STIM2: variants seen among roughly 807,000 people sequenced by gnomAD.
STIM2 encodes stromal interaction molecule 2.
A neutral mutation model predicts 85.8 loss-of-function variants in STIM2; 31 were observed. The ratio of observed to expected loss-of-function variants is 0.36; its 90% confidence interval spans 0.27 to 0.49. The LOEUF (loss-of-function observed/expected upper bound fraction) is 0.49. Ranked by LOEUF, STIM2 falls within the 20% of genes least tolerant of loss-of-function variation. STIM2 has a pLI of 0.98. For synonymous variants in STIM2, 356 were observed against 331.1 expected, an observed-to-expected ratio of 1.08 and a Z score of -0.82; for missense variants, 841 against 927.6, an observed-to-expected ratio of 0.91 and a Z score of 1.21.
chr4:26,910,875 G>T (rs943069268), intron 1 of STIM2, among the ~76,000 whole-genome samples: 131 of 152,140 alleles, frequency 8.6e-4, no homozygotes, highest in African/African-American at 2.9e-3. Context: ...TCAGAATATG[G>T]TAACTTTTTA....
chr4:27,015,453 T>G (rs534077495), intron 10 of STIM2, among the ~76,000 whole-genome samples: 6 of 152,138 alleles, frequency 3.9e-5, no homozygotes, highest in Non-Finnish European at 8.8e-5. Context: ...CTTTTTTTTC[T>G]TTCTTAAAAA....
chr4:26,892,681 TG>T (rs1483613566), intron 1 of STIM2, among the ~76,000 whole-genome samples: 1 of 152,186 alleles, frequency 6.6e-6, no homozygotes, highest in African/African-American at 2.4e-5. Context: ...ATGAATATAA[TG>T]GGTTGTTGTG....
intron 10 of STIM2, 145 bp from the exon 11 acceptor site, chr4:27,017,566 G>A (rs1343911547): frequency 9.8e-7 from 1 of 1,018,278 alleles, no homozygotes; most frequent in Non-Finnish European, 1.5e-6. Context: ...AGTAGAGAAT[G>A]GTAATAACTG....
intron 11 of STIM2, chr4:27,019,405 T>G: frequency 5.4e-6 from 7 of 1,289,446 alleles, no homozygotes; most frequent in Non-Finnish European, 7.1e-6. Flanking sequence ...TGCAGTATGA[T>G]CATAGTCACC....
chr4:26,988,952 G>A (rs1052392530), intron 3 of STIM2, among the ~76,000 whole-genome samples: 1 of 152,046 alleles, frequency 6.6e-6, no homozygotes, highest in African/African-American at 2.4e-5. Context: ...CTTTGGAGTG[G>A]GGGACGGAGT....
intron 7 of STIM2, among the ~76,000 whole-genome samples, chr4:27,006,462 A>T (rs1317661165): frequency 2.0e-5 from 3 of 152,212 alleles, no homozygotes; most frequent in Non-Finnish European, 4.4e-5. Flanking sequence ...GGTGCTCGAC[A>T]CGCAGGATGC....
chr4:27,004,911 T>G (rs1728279949), intron 7 of STIM2, among the ~76,000 whole-genome samples: 1 of 152,248 alleles, frequency 6.6e-6, no homozygotes, highest in Non-Finnish European at 1.5e-5. Context: ...TCATAAATTT[T>G]AATCCTCACA....
intron 7 of STIM2, among the ~76,000 whole-genome samples, chr4:27,005,715 T>G (rs903254185): frequency 2.6e-5 from 4 of 152,204 alleles, no homozygotes; most frequent in Non-Finnish European, 5.9e-5. Context: ...GGTCAGACTT[T>G]CCACAGGTTT....
In STIM2 at chr4:26,943,956, C is replaced by CT. The variant is rs201609771; in HGVS notation, c.283-13648dup. 1.5e-4 allele frequency among the ~76,000 whole-genome samples: 23 copies of CT among 151,796 alleles called. 1 individual carries two copies. The East Asian group carries it at 3.9e-3, about 26-fold the overall frequency. On this transcript the variant is annotated intron_variant, in intron 2 of 11. Coordinates refer to ENST00000467087, the MANE Select transcript of STIM2 (RefSeq NM_020860.4). ...AAAACAGTTTAATTATCTTGGAGTTCTTTTTTTTGTTTATAGACATATCCC... is the reference window on the plus strand; with the variant it reads ...AAAACAGTTTAATTATCTTGGAGTTCTTTTTTTTTGTTTATAGACATATCCC...
At chr4:26,878,868 G>A (rs971777920) in intron 1 of STIM2, among the ~76,000 whole-genome samples, 3 of 151,998 alleles carry the variant, frequency 2.0e-5, no homozygotes, top group South Asian at 2.1e-4. Flanking sequence ...TAAAACTATC[G>A]GCTCTCATGA....
At chr4:26,882,902 A>T (rs770896439) in intron 1 of STIM2, among the ~76,000 whole-genome samples, 64 of 148,990 alleles carry the variant, frequency 4.3e-4, no homozygotes, top group Non-Finnish European at 8.1e-4. Flanking sequence ...CAGTGGCGCG[A>T]TCTCAGCTCA....
At chr4:26,862,496 G>A (rs1722255937) in intron 1 of STIM2, among the ~76,000 whole-genome samples, 1 of 152,140 alleles carries the variant, frequency 6.6e-6, no homozygotes, top group African/African-American at 2.4e-5. Context: ...AAGTGCTCAG[G>A]AACTGTATTC....
chr4:26,979,776 A>G (rs925078046), intron 3 of STIM2, among the ~76,000 whole-genome samples: 14 of 152,312 alleles, frequency 9.2e-5, no homozygotes, highest in African/African-American at 2.9e-4. Flanking sequence ...ATATAGGAAA[A>G]GCAGTACTTT....
At chr4:26,907,086 G>T (rs899369613) in intron 1 of STIM2, among the ~76,000 whole-genome samples, 13 of 152,096 alleles carry the variant, frequency 8.5e-5, no homozygotes, top group Non-Finnish European at 1.6e-4. Context: ...GTAAGTGCGG[G>T]TATCTTCCTA....
In STIM2 at chr4:26,911,642, A is replaced by G. The variant is rs187829909; in HGVS notation, c.152-7862A>G. ...TCTAGAGTCTTCTTCCTGCATTTTT[A>G]TAGCATTCCTGGTATAGCATTTGGT... On this transcript the variant is annotated intron_variant, in intron 1 of 11. Coordinates refer to ENST00000467087, the MANE Select transcript of STIM2 (RefSeq NM_020860.4). Among the ~76,000 whole-genome samples, 139 of 152,306 alleles carry G rather than the reference A, an allele frequency of 9.1e-4. 1 individual carries two copies. Among genetic ancestry groups the G allele is most frequent in the African/African-American group, 3.2e-3 (134 of 41,560 alleles).
intron 2 of STIM2, among the ~76,000 whole-genome samples, chr4:26,946,490 C>T (rs1369056615): frequency 6.6e-6 from 1 of 152,176 alleles, no homozygotes; most frequent in African/African-American, 2.4e-5. Flanking sequence ...CTCTTACTTC[C>T]AGATATCTTT....
intron 2 of STIM2, among the ~76,000 whole-genome samples, chr4:26,938,235 A>G (rs924299673): frequency 1.3e-5 from 2 of 151,984 alleles, no homozygotes; most frequent in African/African-American, 4.8e-5. Flanking sequence ...ATATTTAACA[A>G]ATAAAGATTG....
intron 2 of STIM2, among the ~76,000 whole-genome samples, chr4:26,944,812 T>C (rs909053523): frequency 1.3e-5 from 2 of 152,228 alleles, no homozygotes; most frequent in African/African-American, 4.8e-5. Flanking sequence ...TCTATGCGTA[T>C]GTATTCTTAT....
intron 3 of STIM2, among the ~76,000 whole-genome samples, chr4:26,972,060 A>C (rs1726975313): frequency 6.6e-6 from 1 of 152,120 alleles, no homozygotes; most frequent in Non-Finnish European, 1.5e-5. Context: ...CTGGTGTATA[A>C]GAATGCTTGT....
Sources: allele counts gnomAD v4.1 joint callset (sites outside exome capture counted in the v4.1 genomes callset), GRCh38; gene constraint gnomAD v4.1.1; transcripts MANE v1.5; gene names NCBI Gene and HGNC (gene_info 2026-07-23, HGNC 2026-07-21).